The following WWP1 variants were observed in gnomAD, a reference collection of about 807,000 sequenced individuals.
WWP1 encodes WW domain containing E3 ubiquitin protein ligase 1.
A neutral mutation model predicts 130.6 loss-of-function variants in WWP1; 49 were observed. The ratio of observed to expected loss-of-function variants is 0.38; its 90% CI spans 0.30 to 0.48. WWP1 has a LOEUF of 0.48. WWP1 is among the 20% of genes least tolerant of loss of function. The probability of loss-of-function intolerance (pLI) is 0.99; values close to 1 mark genes in which losing one functional copy is unlikely to be tolerated. For synonymous variants in WWP1, 332 were observed against 367.8 expected (o/e 0.90, Z 1.11); for missense variants, 809 against 1,100.6 (o/e 0.74, Z 3.75).
chr8:86,436,245 T>C (rs561115080), intron 16 of WWP1, among the ~76,000 whole-genome samples: 17 of 152,348 alleles, frequency 1.1e-4, no homozygotes, highest in African/African-American at 4.1e-4. Flanking sequence ...TTGATTCTTG[T>C]TTTGACACAA....
intron 24 of WWP1, among the ~76,000 whole-genome samples, chr8:86,465,599 GAC>G (rs1812041732): frequency 6.6e-6 from 1 of 152,096 alleles, no homozygotes; most frequent in South Asian, 2.1e-4. Flanking sequence ...TAGCCTAGGC[GAC>G]ACAGCCAGAC....
rs138630286 is a variant in WWP1, at chr8:86,457,593, G to C, written c.2395-328G>C. On this transcript the variant is annotated intron_variant, in intron 21 of 24. Transcript: ENST00000517970. ...AATCTATATATATAGATGTGTGTGCGTGTGTGTGTAAATACACACACACAC... is the reference window on the plus strand; with the variant it reads ...AATCTATATATATAGATGTGTGTGCCTGTGTGTGTAAATACACACACACAC... 1.0e-3 allele frequency among the ~76,000 whole-genome samples: 154 copies of C among 151,474 alleles called. 1 individual carries two copies. The highest frequency in any genetic ancestry group is 2.5e-3 in the South Asian group (12 of 4,784).
chr8:86,433,431 T>C (rs1165312272), intron 14 of WWP1, among the ~76,000 whole-genome samples: 1 of 151,970 alleles, frequency 6.6e-6, no homozygotes, highest in Non-Finnish European at 1.5e-5. Context: ...ACCTGCTCTC[T>C]GGCCAGGCAT....
chr8:86,359,731 G>A (rs1187107228), intron 1 of WWP1, among the ~76,000 whole-genome samples: 2 of 151,980 alleles, frequency 1.3e-5, no homozygotes, highest in Non-Finnish European at 2.9e-5. Flanking sequence ...CTGCTTGCCT[G>A]TAAATAATAC....
At chr8:86,354,802 T>C (rs1823161876) in intron 1 of WWP1, among the ~76,000 whole-genome samples, 1 of 152,152 alleles carries the variant, frequency 6.6e-6, no homozygotes, top group Admixed American at 6.5e-5. Context: ...AGAGTTTTTG[T>C]GCCTTAGAGT....
chr8:86,429,063 C>T (rs1809792562), intron 11 of WWP1, among the ~76,000 whole-genome samples: 1 of 152,156 alleles, frequency 6.6e-6, no homozygotes, highest in African/African-American at 2.4e-5. Flanking sequence ...GACCCGGGTT[C>T]TTTCTGCCCT....
At position 86,366,659 on chromosome 8, in the gene WWP1, C is replaced by A. The variant is rs538791504; in HGVS notation, c.-114-2280C>A. ...TAACAGGATTCCACTAGAAAAGTTT[C>A]TTTGAGATACATCAAGAGAGCTGTC... On this transcript the variant is annotated intron_variant, in intron 1 of 24. Transcript: ENST00000517970. 2.0e-5 allele frequency among the ~76,000 whole-genome samples: 3 copies of A among 152,242 alleles called. No homozygotes were observed. The South Asian group carries it at 6.2e-4, about 32-fold the overall frequency.
chr8:86,451,945 C>A (rs1421013394), intron 20 of WWP1, among the ~76,000 whole-genome samples: 1 of 152,116 alleles, frequency 6.6e-6, no homozygotes, highest in Non-Finnish European at 1.5e-5. Context: ...TAATTGAGTT[C>A]TTCTATTCTA....
chr8:86,384,422 TTTTAA>T lies in WWP1; in HGVS notation c.334+2799_334+2803del, dbSNP rs1427386239. Among the ~76,000 whole-genome samples, 3 of 152,348 alleles carry T rather than the reference TTTTAA, an allele frequency of 2.0e-5. No homozygotes were observed. The East Asian group carries it at 5.8e-4, about 29-fold the overall frequency. ...ATAATTTAAAGTAATTAAAATTAGA[TTTTAA>T]TTTAAGTAAGTTGGTCAAGAGTATA... is the stretch of plus-strand genomic sequence containing the variant. On this transcript the variant is annotated intron_variant, in intron 5 of 24. Transcript: ENST00000517970.
chr8:86,399,552 C>A (rs897675971), intron 7 of WWP1, among the ~76,000 whole-genome samples: 1 of 152,158 alleles, frequency 6.6e-6, no homozygotes, highest in African/African-American at 2.4e-5. Context: ...AGTATCGTTT[C>A]TTCTAAGTTG....
At chr8:86,411,412 C>T in intron 8 of WWP1, 126 bp from the exon 9 acceptor site, 4 of 697,852 alleles carry the variant, frequency 5.7e-6, no homozygotes, top group Admixed American at 3.0e-5. Context: ...ACTTTGTCTG[C>T]TGTTTGGAGA....
chr8:86,437,079 C>A (rs1181952147), intron 16 of WWP1, among the ~76,000 whole-genome samples: 2 of 152,050 alleles, frequency 1.3e-5, no homozygotes, highest in Non-Finnish European at 2.9e-5. Context: ...GCTTTTTACC[C>A]TGTCTTGGGA....
At chr8:86,422,540 C>A (rs1336377707) in intron 9 of WWP1, among the ~76,000 whole-genome samples, 1 of 147,282 alleles carries the variant, frequency 6.8e-6, no homozygotes, top group African/African-American at 2.5e-5. Flanking sequence ...TTTTTTTTTT[C>A]TTTGGGATTT....
intron 5 of WWP1, among the ~76,000 whole-genome samples, chr8:86,391,059 T>C (rs1396709326): frequency 6.6e-6 from 1 of 152,022 alleles, no homozygotes; most frequent in African/African-American, 2.4e-5. Flanking sequence ...ATTACAGCCA[T>C]AAATAAACCT....
At chr8:86,415,525 AT>A (rs1808841189) in intron 9 of WWP1, among the ~76,000 whole-genome samples, 1 of 152,090 alleles carries the variant, frequency 6.6e-6, no homozygotes, top group South Asian at 2.1e-4. Flanking sequence ...ATGTTTTAAA[AT>A]TTTTTTAGAT....
intron 3 of WWP1, among the ~76,000 whole-genome samples, chr8:86,374,756 C>G (rs1824533221): frequency 6.6e-6 from 1 of 151,884 alleles, no homozygotes; most frequent in Admixed American, 6.6e-5. Flanking sequence ...CTCTCCCTGG[C>G]TGGAGTACGG....
At chr8:86,347,142 AC>A (rs1236387885) in intron 1 of WWP1, among the ~76,000 whole-genome samples, 1 of 152,036 alleles carries the variant, frequency 6.6e-6, no homozygotes, top group Admixed American at 6.5e-5. Flanking sequence ...ATGTCATGAC[AC>A]CCAGCTAAAT....
At chr8:86,352,061 A>T (rs1313146033) in intron 1 of WWP1, among the ~76,000 whole-genome samples, 7 of 133,202 alleles carry the variant, frequency 5.3e-5, no homozygotes, top group Non-Finnish European at 8.1e-5. Context: ...TTTTTTTGAG[A>T]AAAGGTCTTG....
rs1293329169 is a variant in WWP1 at position 86,424,145 on chromosome 8, G to A, written c.1062-1078G>A. Reference sequence around the variant, plus strand: ...TTCTCAGATGGGGCGGCCGGGCAGAGACACTCCTCACCTCCCAGACTGGGT... The same window carrying A: ...TTCTCAGATGGGGCGGCCGGGCAGAAACACTCCTCACCTCCCAGACTGGGT... On this transcript the variant is annotated intron_variant, in intron 9 of 24. Coordinates refer to ENST00000517970, the MANE Select transcript of WWP1 (RefSeq NM_007013.4). Among the ~76,000 whole-genome samples the A allele has an allele frequency of 2.7e-5, 4 of 150,362 alleles. No homozygotes were observed. In the East Asian group the frequency reaches 6.0e-4, roughly 23 times the overall value.
Sources: allele counts gnomAD v4.1 joint callset (sites outside exome capture counted in the v4.1 genomes callset), GRCh38; gene constraint gnomAD v4.1.1; transcripts MANE v1.5; gene names NCBI Gene and HGNC (gene_info 2026-07-23, HGNC 2026-07-21).